Variants in DGKG observed in about 807,000 individuals in gnomAD.
DGKG encodes the protein diacylglycerol kinase gamma.
In DGKG, 78 loss-of-function variants were observed where a neutral mutation model predicts 105.3. That is an observed-to-expected ratio of 0.74 (90% CI 0.62 to 0.89). DGKG has a LOEUF of 0.89. DGKG is among the 40% of genes least tolerant of loss of function. The pLI, the probability that DGKG is intolerant of heterozygous loss-of-function variation, is 0.00. For synonymous variants in DGKG, 346 were observed against 367.1 expected (o/e 0.94, Z 0.66); for missense variants, 958 against 1,020.1 (o/e 0.94, Z 0.83).
chr3:186,263,635 T>C (rs1721895631), intron 14 of DGKG, among the ~76,000 whole-genome samples: 1 of 148,640 alleles, frequency 6.7e-6, no homozygotes, highest in African/African-American at 2.5e-5. Flanking sequence ...CTTCTGGAGT[T>C]TCTTTTGTTG....
chr3:186,280,549 T>C, intron 8 of DGKG, 121 bp downstream of exon 8: 1 of 696,124 alleles, frequency 1.4e-6, no homozygotes, highest in Non-Finnish European at 2.4e-6. Flanking sequence ...CCAAAGAAGC[T>C]GCCTATAAGA....
In DGKG at chr3:186,183,984, G is replaced by A. The variant is rs1300642033; in HGVS notation, c.2095+4218C>T. On this transcript the variant is annotated intron_variant, in intron 22 of 24. Transcript: ENST00000265022. ...TTCCCAAAGTGCTGGGATTACAGGC[G>A]TGAGCCACCATGCCCGGCTGAGCTC... Among the ~76,000 whole-genome samples the A allele has an allele frequency of 3.9e-5, 6 of 152,198 alleles. No homozygotes were observed. In the South Asian group the frequency reaches 8.3e-4, roughly 21 times the overall value.
At chr3:186,219,426 G>A (rs1161628736) in intron 20 of DGKG, among the ~76,000 whole-genome samples, 1 of 152,198 alleles carries the variant, frequency 6.6e-6, no homozygotes, top group Non-Finnish European at 1.5e-5. Flanking sequence ...TTCCAAGAGG[G>A]GGCAGTGGCC....
chr3:186,321,817 C>A (rs1425050613), intron 1 of DGKG, among the ~76,000 whole-genome samples: 3 of 152,186 alleles, frequency 2.0e-5, no homozygotes, highest in Non-Finnish European at 4.4e-5. Context: ...ATAAAGAAAA[C>A]CTTCCATTAA....
intron 2 of DGKG, among the ~76,000 whole-genome samples, chr3:186,310,291 C>CAAAAAAAAAAAA (rs1724476497): frequency 2.3e-4 from 13 of 56,796 alleles, no homozygotes; most frequent in Non-Finnish European, 3.3e-4. Context: ...AAAAAAAAAC[C>CAAAAAAAAAAAA]ACACACACAC....
chr3:186,254,191 G>T lies in DGKG; in HGVS notation c.1511-1009C>A, dbSNP rs200356898. ...TTTCCATGAGACCTCAGCACGCATGGTGCCCCTGGATGTGAGCAATGTGAT... is the reference window on the plus strand; with the variant it reads ...TTTCCATGAGACCTCAGCACGCATGTTGCCCCTGGATGTGAGCAATGTGAT... On this transcript the variant is annotated intron_variant, in intron 17 of 24. Coordinates refer to ENST00000265022, the MANE Select transcript of DGKG (RefSeq NM_001346.3). Among the ~76,000 whole-genome samples the T allele has an allele frequency of 5.3e-5, 8 of 152,294 alleles. No individual in the cohort carries two copies. In the East Asian group the frequency reaches 1.5e-3, roughly 29 times the overall value.
At chr3:186,352,811 C>T (rs1467825374) in intron 1 of DGKG, among the ~76,000 whole-genome samples, 3 of 152,176 alleles carry the variant, frequency 2.0e-5, no homozygotes. Context: ...CATCTTCTCT[C>T]CTTCTAAGAC....
At chr3:186,191,583 T>A (rs1046271142) in intron 21 of DGKG, among the ~76,000 whole-genome samples, 2 of 152,246 alleles carry the variant, frequency 1.3e-5, no homozygotes, top group African/African-American at 4.8e-5. Flanking sequence ...CCATTTTTAG[T>A]TTAAGGCCAC....
chr3:186,322,281 T>G (rs1010500691), intron 1 of DGKG, among the ~76,000 whole-genome samples: 1 of 152,122 alleles, frequency 6.6e-6, no homozygotes, highest in Admixed American at 6.5e-5. Context: ...TGCAGCAACA[T>G]GGATGGAGCT....
At chr3:186,192,027 G>C (rs1383919623) in intron 21 of DGKG, among the ~76,000 whole-genome samples, 1 of 150,078 alleles carries the variant, frequency 6.7e-6, no homozygotes, top group African/African-American at 2.5e-5. Context: ...TATTTTTTGA[G>C]ACAGAGTTTC....
intron 21 of DGKG, among the ~76,000 whole-genome samples, chr3:186,195,144 C>T (rs1718117738): frequency 6.6e-6 from 1 of 151,892 alleles, no homozygotes; most frequent in South Asian, 2.1e-4. Flanking sequence ...ATAGGGAAAG[C>T]AGAGAGTATA....
intron 14 of DGKG, among the ~76,000 whole-genome samples, chr3:186,262,763 T>C (rs931204205): frequency 5.3e-5 from 8 of 152,200 alleles, no homozygotes; most frequent in Admixed American, 2.6e-4. Context: ...TTCCCACCCA[T>C]GGGTCTGCTC....
chr3:186,225,421 G>A (rs1346037272), intron 20 of DGKG, among the ~76,000 whole-genome samples: 1 of 151,884 alleles, frequency 6.6e-6, no homozygotes, highest in African/African-American at 2.4e-5. Flanking sequence ...TAAATAATTG[G>A]CCCCCATCAC....
At chr3:186,356,235 G>A (rs1320095703) in intron 1 of DGKG, among the ~76,000 whole-genome samples, 1 of 152,146 alleles carries the variant, frequency 6.6e-6, no homozygotes, top group Non-Finnish European at 1.5e-5. Context: ...TTTTATTGAT[G>A]ACTTAGATGA....
chr3:186,253,203 C>A, intron 17 of DGKG, 21 bp from the exon 18 acceptor site: 2 of 1,596,732 alleles, frequency 1.3e-6, no homozygotes, highest in Non-Finnish European at 1.7e-6. Flanking sequence ...CACAGAGGAA[C>A]AGAGAACCAT....
chr3:186,340,132 A>G (rs1237792051), intron 1 of DGKG, among the ~76,000 whole-genome samples: 1 of 152,182 alleles, frequency 6.6e-6, no homozygotes, highest in Non-Finnish European at 1.5e-5. Context: ...TTAAAATGAG[A>G]GAAAGTATGA....
chr3:186,309,592 G>GTA (rs1724418666), intron 2 of DGKG, among the ~76,000 whole-genome samples: 2 of 152,152 alleles, frequency 1.3e-5, no homozygotes, highest in Non-Finnish European at 2.9e-5. Context: ...CTATTTTAAT[G>GTA]GGAGGTTGTT....
chr3:186,342,089 T>G (rs550952146), intron 1 of DGKG, among the ~76,000 whole-genome samples: 90 of 152,170 alleles, frequency 5.9e-4, no homozygotes, highest in South Asian at 5.6e-3. Context: ...GTGGGTGCAG[T>G]GCACCAGCAT....
intron 19 of DGKG, among the ~76,000 whole-genome samples, chr3:186,248,832 C>G (rs1352838374): frequency 6.6e-6 from 1 of 152,164 alleles, no homozygotes; most frequent in Non-Finnish European, 1.5e-5. Flanking sequence ...GTTTCTGTAC[C>G]TCTCTAAGCT....
Sources: allele counts gnomAD v4.1 joint callset (sites outside exome capture counted in the v4.1 genomes callset), GRCh38; gene constraint gnomAD v4.1.1; transcripts MANE v1.5; gene names NCBI Gene and HGNC (gene_info 2026-07-23, HGNC 2026-07-21).